Variants in CACNA1A observed in about 807,000 individuals in gnomAD.
CACNA1A encodes the protein calcium voltage-gated channel subunit alpha1 A.
CACNA1A carries 57 observed loss-of-function variants against 262.4 expected under a neutral mutation model. That is an observed-to-expected ratio of 0.22 (90% CI 0.18 to 0.27). CACNA1A has a LOEUF of 0.27. Ranked by LOEUF, CACNA1A falls within the 10% of genes least tolerant of loss-of-function variation. The pLI is 1.00. For missense variants in CACNA1A, 2,526 were observed against 3,562.8 expected, an observed-to-expected ratio of 0.71 and a Z score of 7.41; for synonymous variants, 1,431 against 1,419.3, an observed-to-expected ratio of 1.01 and a Z score of -0.18.
intron 1 of CACNA1A, among the ~76,000 whole-genome samples, chr19:13,457,659 T>A (rs977888803): frequency 2.6e-5 from 4 of 152,088 alleles, no homozygotes; most frequent in African/African-American, 9.7e-5. Context: ...AAGACCAGCA[T>A]GACCAACATG....
chr19:13,333,479 G>A (rs1600355148), intron 8 of CACNA1A, among the ~76,000 whole-genome samples: 2 of 152,028 alleles, frequency 1.3e-5, no homozygotes, highest in Non-Finnish European at 2.9e-5. Context: ...CTGTTGCCCA[G>A]GCTGGAGTGC....
At chr19:13,347,059 G>GTTTGTTT (rs1600390610) in intron 6 of CACNA1A, among the ~76,000 whole-genome samples, 1 of 58,394 alleles carries the variant, frequency 1.7e-5, no homozygotes. Flanking sequence ...TGTTTTTTTT[G>GTTTGTTT]TTTTTTTGTT....
intron 11 of CACNA1A, among the ~76,000 whole-genome samples, chr19:13,313,061 A>G (rs1402550600): frequency 1.3e-5 from 2 of 151,664 alleles, no homozygotes; most frequent in Non-Finnish European, 2.9e-5. Flanking sequence ...GGGTCTCACT[A>G]TGTTGCCCTG....
At chr19:13,245,942 G>C (rs750831308) in intron 30 of CACNA1A, among the ~76,000 whole-genome samples, 15 of 152,140 alleles carry the variant, frequency 9.9e-5, no homozygotes, top group Non-Finnish European at 1.8e-4. Flanking sequence ...AAAGTGTTGG[G>C]ATTATAGGCG....
At chr19:13,232,732 CA>C (rs1304494549) in intron 34 of CACNA1A, among the ~76,000 whole-genome samples, 1 of 94,116 alleles carries the variant, frequency 1.1e-5, no homozygotes, top group Non-Finnish European at 2.1e-5. Flanking sequence ...GATTCTGTCT[CA>C]AAAAAAAGCA....
At chr19:13,209,208 A>G in intron 45 of CACNA1A, 104 bp downstream of exon 45, 1 of 1,349,726 alleles carries the variant, frequency 7.4e-7, no homozygotes, top group Non-Finnish European at 9.8e-7. Context: ...CTCTCCATGG[A>G]GGCCTCTCCC....
At chr19:13,336,596 A>AGAGAGAGGGG (rs763741285) in intron 6 of CACNA1A, among the ~76,000 whole-genome samples, 1 of 89,634 alleles carries the variant, frequency 1.1e-5, no homozygotes, top group East Asian at 5.5e-4. Context: ...AGAGAGAGGG[A>AGAGAGAGGGG]GAGAGAGAGA....
At chr19:13,226,579 C>T (rs2055457240) in intron 37 of CACNA1A, 1 of 152,282 alleles carries the variant, frequency 6.6e-6, no homozygotes, top group South Asian at 2.1e-4. Context: ...GGGAACAGAG[C>T]ATCTGTCCTT....
chr19:13,463,891 C>G (rs12460503), intron 1 of CACNA1A, among the ~76,000 whole-genome samples: 43 of 152,200 alleles, frequency 2.8e-4, no homozygotes, highest in Non-Finnish European at 5.4e-4. Flanking sequence ...CAGACGTGGC[C>G]TTGACCTTGG....
At chr19:13,419,189 A>T (rs982964122) in intron 3 of CACNA1A, among the ~76,000 whole-genome samples, 2 of 152,220 alleles carry the variant, frequency 1.3e-5, no homozygotes, top group Non-Finnish European at 2.9e-5. Flanking sequence ...TTAGATACAC[A>T]AATACTTACC....
At chr19:13,231,942 G>T in intron 34 of CACNA1A, 82 bp from the exon 35 acceptor site, 3 of 1,440,818 alleles carry the variant, frequency 2.1e-6, no homozygotes, top group African/African-American at 1.4e-5. Context: ...GAGCACACAC[G>T]TTGAGCACTT....
chr19:13,360,265 G>GTGTGTA (rs941666561), intron 5 of CACNA1A, among the ~76,000 whole-genome samples: 1 of 124,202 alleles, frequency 8.1e-6, no homozygotes, highest in African/African-American at 3.1e-5. Context: ...GTGTGTGTGT[G>GTGTGTA]TATATATATA....
At chr19:13,305,952 C>T (rs1380735224) in intron 15 of CACNA1A, among the ~76,000 whole-genome samples, 3 of 151,584 alleles carry the variant, frequency 2.0e-5, no homozygotes, top group Non-Finnish European at 2.9e-5. Context: ...CTCAGCTACT[C>T]GGGAGGCTGA....
At chr19:13,283,643 A>C in intron 21 of CACNA1A, 1 of 417,712 alleles carries the variant, frequency 2.4e-6, no homozygotes, top group East Asian at 4.2e-5. Context: ...ATCACTCCCA[A>C]ACGACCCTCT....
chr19:13,436,074 C>T (rs1210054760), intron 3 of CACNA1A, among the ~76,000 whole-genome samples: 1 of 152,152 alleles, frequency 6.6e-6, no homozygotes, highest in Non-Finnish European at 1.5e-5. Flanking sequence ...ATTCACCAGC[C>T]TCGGCCTCCT....
chr19:13,238,843 T>G (rs775008746), intron 31 of CACNA1A, among the ~76,000 whole-genome samples: 6 of 152,118 alleles, frequency 3.9e-5, no homozygotes, highest in Non-Finnish European at 5.9e-5. Context: ...TGCCTCAGCC[T>G]CCCAAAGTGC....
intron 10 of CACNA1A, among the ~76,000 whole-genome samples, chr19:13,325,226 C>T (rs1315751877): frequency 1.4e-5 from 2 of 142,800 alleles, no homozygotes; most frequent in Non-Finnish European, 3.0e-5. Context: ...AGGCCAGGTA[C>T]AGTGTCTCAC....
At chr19:13,338,217 A>C (rs2058611362) in intron 6 of CACNA1A, among the ~76,000 whole-genome samples, 1 of 152,198 alleles carries the variant, frequency 6.6e-6, no homozygotes, top group Non-Finnish European at 1.5e-5. Context: ...TTCGTCTCAA[A>C]AAAAAAAGAA....
intron 19 of CACNA1A, among the ~76,000 whole-genome samples, chr19:13,291,488 C>G (rs921928513): frequency 5.3e-5 from 8 of 151,920 alleles, no homozygotes; most frequent in Non-Finnish European, 1.0e-4. Flanking sequence ...CTGAGCTGGG[C>G]TCTCTGGTGT....
Sources: gnomAD v4.1 joint callset for allele counts (sites outside exome capture counted in the v4.1 genomes callset) on GRCh38, gnomAD v4.1.1 for gene constraint, MANE v1.5 for transcripts, NCBI Gene and HGNC (gene_info 2026-07-23, HGNC 2026-07-21) for gene names.